The following TLN2 variants were observed in gnomAD, a reference collection of about 807,000 sequenced individuals.
The protein encoded by TLN2 is talin-2.
TLN2 carries 118 observed loss-of-function variants against 294.7 expected under a neutral mutation model. The ratio of observed to expected loss-of-function variants is 0.40; its 90% CI spans 0.34 to 0.47. TLN2 has a LOEUF of 0.47. Among genes scored for constraint, TLN2 ranks in the 20% least tolerant of loss-of-function variants. The pLI, the probability that TLN2 is intolerant of heterozygous loss-of-function variation, is 0.84. For missense variants in TLN2, 3,083 were observed against 3,282.2 expected (o/e 0.94, Z 1.48); for synonymous variants, 1,431 against 1,304.5 (o/e 1.10, Z -2.09).
intron 54 of TLN2, chr15:62,832,578 G>C (rs1426835243): frequency 2.0e-5 from 3 of 152,208 alleles, no homozygotes; most frequent in African/African-American, 7.2e-5. Context: ...GGTGAATTTA[G>C]ACCAGAACCC....
intron 52 of TLN2, among the ~76,000 whole-genome samples, chr15:62,810,306 G>A (rs548297577): frequency 7.9e-5 from 12 of 152,314 alleles, no homozygotes; most frequent in African/African-American, 2.9e-4. Flanking sequence ...AAGGAAGAGG[G>A]AGCAGAGTGA....
chr15:62,768,801 C>T (rs1387330240), intron 41 of TLN2, among the ~76,000 whole-genome samples: 1 of 152,228 alleles, frequency 6.6e-6, no homozygotes, highest in African/African-American at 2.4e-5. Flanking sequence ...GAGCACCTAG[C>T]CTTTACTGAG....
chr15:62,600,820 G>A (rs2046933402), intron 2 of TLN2, among the ~76,000 whole-genome samples: 1 of 151,928 alleles, frequency 6.6e-6, no homozygotes, highest in African/African-American at 2.4e-5. Context: ...ATTATTTCCT[G>A]TCACTATTTC....
intron 6 of TLN2, among the ~76,000 whole-genome samples, chr15:62,652,849 C>G (rs1385190606): frequency 6.6e-6 from 1 of 151,920 alleles, no homozygotes; most frequent in Non-Finnish European, 1.5e-5. Context: ...TGACAATAAC[C>G]CTGTGAAAAT....
chr15:62,576,155 A>G (rs560058312), intron 1 of TLN2, among the ~76,000 whole-genome samples: 6 of 152,304 alleles, frequency 3.9e-5, no homozygotes, highest in African/African-American at 1.4e-4. Flanking sequence ...TCAAGGAAGT[A>G]TACAAAACAA....
At chr15:62,751,580 C>T (rs4775535) in intron 34 of TLN2, among the ~76,000 whole-genome samples, 38,925 of 152,150 alleles carry the variant, frequency 0.26, 5,250 homozygotes, top group African/African-American at 0.33. Context: ...GGCAATACCA[C>T]AGTCTCTCCA....
At chr15:62,834,012 G>C (rs549250633) in intron 55 of TLN2, 1 of 159,230 alleles carries the variant, frequency 6.3e-6, no homozygotes, top group Admixed American at 6.5e-5. Flanking sequence ...AGCTCCAAAG[G>C]GTTCCGTTTG....
chr15:62,701,916 G>T, intron 17 of TLN2, 76 bp from the exon 18 acceptor site: 1 of 1,521,488 alleles, frequency 6.6e-7, no homozygotes, highest in East Asian at 2.3e-5. Flanking sequence ...AGGAACTCCT[G>T]CCAGTGTGGG....
At chr15:62,770,551 T>G (rs2063292396) in intron 41 of TLN2, among the ~76,000 whole-genome samples, 1 of 152,250 alleles carries the variant, frequency 6.6e-6, no homozygotes, top group African/African-American at 2.4e-5. Flanking sequence ...ACAAAGCTTT[T>G]GAAGGTTTCT....
intron 2 of TLN2, among the ~76,000 whole-genome samples, chr15:62,596,545 C>G (rs1159178648): frequency 6.6e-6 from 1 of 151,934 alleles, no homozygotes; most frequent in Non-Finnish European, 1.5e-5. Flanking sequence ...CGAGACCAGC[C>G]TGGCCAACAT....
intron 1 of TLN2, among the ~76,000 whole-genome samples, chr15:62,517,437 A>C (rs1180973556): frequency 6.6e-6 from 1 of 152,196 alleles, no homozygotes; most frequent in East Asian, 1.9e-4. Flanking sequence ...ATCCCAAACA[A>C]AATTGTTTCT....
At chr15:62,726,471 T>A (rs2060447167) in intron 27 of TLN2, among the ~76,000 whole-genome samples, 1 of 152,164 alleles carries the variant, frequency 6.6e-6, no homozygotes, top group African/African-American at 2.4e-5. Context: ...TTTTATTCAG[T>A]TTACAAAGCA....
At chr15:62,530,941 T>C (rs566385738) in intron 1 of TLN2, among the ~76,000 whole-genome samples, 19 of 152,358 alleles carry the variant, frequency 1.2e-4, no homozygotes, top group South Asian at 4.1e-4. Flanking sequence ...TGGGGTCTAT[T>C]ATTCATTTGT....
intron 35 of TLN2, among the ~76,000 whole-genome samples, chr15:62,753,125 C>G (rs1028188082): frequency 6.6e-6 from 1 of 152,142 alleles, no homozygotes; most frequent in Non-Finnish European, 1.5e-5. Context: ...ATTTGGCTGA[C>G]ACATCTAAAT....
chr15:62,571,358 A>G (rs1353325191), intron 1 of TLN2, among the ~76,000 whole-genome samples: 1 of 152,210 alleles, frequency 6.6e-6, no homozygotes, highest in African/African-American at 2.4e-5. Context: ...TTGGGTGAAT[A>G]TAGTTCCTGG....
chr15:62,768,686 T>C (rs78170834), intron 41 of TLN2, among the ~76,000 whole-genome samples: 1 of 152,214 alleles, frequency 6.6e-6, no homozygotes, highest in African/African-American at 2.4e-5. Flanking sequence ...GAAGGATGTT[T>C]CCTGTTCTGT....
intron 1 of TLN2, among the ~76,000 whole-genome samples, chr15:62,492,061 A>G (rs1447083053): frequency 6.6e-6 from 1 of 152,106 alleles, no homozygotes; most frequent in Non-Finnish European, 1.5e-5. Flanking sequence ...TAAATTTATG[A>G]GTAAGCTAAG....
At chr15:62,824,196 ACTTG>A (rs2067832643) in intron 54 of TLN2, among the ~76,000 whole-genome samples, 1 of 152,186 alleles carries the variant, frequency 6.6e-6, no homozygotes, top group Non-Finnish European at 1.5e-5. Context: ...TTACTGGATT[ACTTG>A]CTTATTATAG....
intron 47 of TLN2, 27 bp downstream of exon 47, chr15:62,796,320 G>C (rs1596026020): frequency 1.9e-6 from 3 of 1,595,354 alleles, no homozygotes; most frequent in Non-Finnish European, 1.7e-6. Flanking sequence ...GACGGGGAGA[G>C]GTTCAGGCTG....
Sources: allele counts gnomAD v4.1 joint callset (sites outside exome capture counted in the v4.1 genomes callset), GRCh38; gene constraint gnomAD v4.1.1; transcripts MANE v1.5; gene names NCBI Gene and HGNC (gene_info 2026-07-23, HGNC 2026-07-21).